The following PTP4A1 variants were observed in gnomAD, a reference collection of about 807,000 sequenced individuals.
PTP4A1 encodes the protein protein tyrosine phosphatase type IVA 1.
Under a neutral mutation model 20.5 loss-of-function variants are expected in PTP4A1, and 9 were observed. The ratio of observed to expected loss-of-function variants is 0.44; its 90% CI spans 0.26 to 0.77. The LOEUF (loss-of-function observed/expected upper bound fraction) is 0.77, where lower values mean the gene tolerates loss of function less well. Ranked by LOEUF, PTP4A1 falls within the 30% of genes least tolerant of loss-of-function variation. PTP4A1 has a pLI of 0.19. For missense variants in PTP4A1, 137 were observed against 218.8 expected (o/e 0.63, Z 2.36); for synonymous variants, 78 against 67.4 (o/e 1.16, Z -0.77).
chr6:63,525,354 A>T (rs538335458), intron 1 of PTP4A1, among the ~76,000 whole-genome samples: 1 of 152,270 alleles, frequency 6.6e-6, no homozygotes, highest in East Asian at 1.9e-4. Flanking sequence ...GATTCTGCCA[A>T]TGGGGGAGCT....
At chr6:63,559,699 C>T (rs1002994741) in intron 3 of PTP4A1, among the ~76,000 whole-genome samples, 5 of 151,702 alleles carry the variant, frequency 3.3e-5, no homozygotes, top group Non-Finnish European at 5.9e-5. Flanking sequence ...GAGCCAAGAT[C>T]GCGCCACTGC....
At chr6:63,557,235 C>T (rs978026683) in intron 3 of PTP4A1, among the ~76,000 whole-genome samples, 1 of 152,012 alleles carries the variant, frequency 6.6e-6, no homozygotes, top group African/African-American at 2.4e-5. Flanking sequence ...AATGGAATAC[C>T]TGTGTTGATG....
chr6:63,518,853 G>A (rs1489736261), upstream of PTP4A1, among the ~76,000 whole-genome samples: 4 of 152,110 alleles, frequency 2.6e-5, no homozygotes, highest in Admixed American at 1.3e-4. Context: ...TCAAAGAAAA[G>A]GTAACTCTTG....
chr6:63,533,608 G>A (rs372213648), intron 2 of PTP4A1, among the ~76,000 whole-genome samples: 38 of 152,148 alleles, frequency 2.5e-4, no homozygotes, highest in African/African-American at 8.9e-4. Flanking sequence ...CAGTTTTATG[G>A]CTGAGGGACT....
chr6:63,564,275 C>CA lies in PTP4A1; in HGVS notation c.-445-12146dup, dbSNP rs35998260. Reference sequence around the variant, plus strand: ...TGGGTGACAGAGCGAGACTCTGTCTCAAAAAAAAAAAAAAAGAGAGAAATT... The same window carrying CA: ...TGGGTGACAGAGCGAGACTCTGTCTCAAAAAAAAAAAAAAAAGAGAGAAATT... On this transcript the variant is annotated intron_variant, in intron 3 of 3. Coordinates refer to the PTP4A1 transcript ENST00000639568. Among the ~76,000 whole-genome samples the CA allele has an allele frequency of 6.8e-3, 654 of 95,540 alleles. 2 individuals are homozygous for CA. The highest frequency in any genetic ancestry group is 0.016 in the South Asian group (48 of 3,090). 62.7% of individuals were successfully genotyped at this position (95,540 alleles called of 152,430 possible).
chr6:63,529,650 C>G (rs900984724), intron 2 of PTP4A1, among the ~76,000 whole-genome samples: 4 of 152,064 alleles, frequency 2.6e-5, no homozygotes, highest in Admixed American at 1.3e-4. Flanking sequence ...AGCAGCCAAC[C>G]CTGTTTGCAT....
the PTP4A1 span, among the ~76,000 whole-genome samples, chr6:63,516,574 G>A: frequency 6.6e-6 from 1 of 152,098 alleles, no homozygotes; most frequent in East Asian, 1.9e-4. Context: ...TGTAAGTTGG[G>A]CATGAGGGCA....
At chr6:63,577,246 T>C (rs1029738829) in intron 2 of PTP4A1, among the ~76,000 whole-genome samples, 2 of 152,234 alleles carry the variant, frequency 1.3e-5, no homozygotes, top group African/African-American at 4.8e-5. Flanking sequence ...CTCTTACTTA[T>C]CTTGTAAGAA....
chr6:63,557,526 A>G (rs1776744468), intron 3 of PTP4A1, among the ~76,000 whole-genome samples: 1 of 152,134 alleles, frequency 6.6e-6, no homozygotes, highest in Non-Finnish European at 1.5e-5. Flanking sequence ...AGATCGCACC[A>G]CTACACTCCA....
upstream of PTP4A1, among the ~76,000 whole-genome samples, chr6:63,568,646 C>T (rs1207240387): frequency 6.7e-6 from 1 of 150,086 alleles, no homozygotes; most frequent in Non-Finnish European, 1.5e-5. Context: ...CTGTCACAAA[C>T]CATCATTTTG....
chr6:63,520,245 TC>T (rs1774871931), upstream of PTP4A1, among the ~76,000 whole-genome samples: 2 of 152,240 alleles, frequency 1.3e-5, no homozygotes, highest in Non-Finnish European at 2.9e-5. Context: ...GTGATTCTTA[TC>T]TTTAAATGTT....
intron 3 of PTP4A1, among the ~76,000 whole-genome samples, chr6:63,560,822 C>G (rs899055714): frequency 6.6e-6 from 1 of 152,168 alleles, no homozygotes; most frequent in Non-Finnish European, 1.5e-5. Context: ...AGACCAGTAA[C>G]AGTTCATAGA....
intron 2 of PTP4A1, chr6:63,548,991 A>T: frequency 1.4e-6 from 1 of 731,398 alleles, no homozygotes; most frequent in Non-Finnish European, 2.5e-6. Context: ...TTTATGACAC[A>T]GGGCAGGCAA....
At chr6:63,565,518 T>A (rs1472603082) in intron 3 of PTP4A1, among the ~76,000 whole-genome samples, 1 of 152,206 alleles carries the variant, frequency 6.6e-6, no homozygotes, top group Admixed American at 6.5e-5. Flanking sequence ...TGGTTTGATA[T>A]GATGACTTGA....
In PTP4A1 at chr6:63,559,781, A is replaced by G. The variant is rs190836478; in HGVS notation, c.-446+9288A>G. On this transcript the variant is annotated intron_variant, in intron 3 of 3. Coordinates refer to the PTP4A1 transcript ENST00000639568. ...AAAAAAATGAATTTCACAGCCAGGC[A>G]TGGTCGTTCATGCATATAATACTAG... Among the ~76,000 whole-genome samples the G allele has an allele frequency of 7.2e-5, 11 of 152,100 alleles. No homozygotes were observed. In the East Asian group the frequency reaches 1.7e-3, roughly 24 times the overall value.
intron 1 of PTP4A1, among the ~76,000 whole-genome samples, 162 bp from the exon 2 acceptor site, chr6:63,576,274 T>C (rs1382220916): frequency 6.6e-6 from 1 of 152,176 alleles, no homozygotes; most frequent in Non-Finnish European, 1.5e-5. Context: ...ATTTAATCTG[T>C]ACTCACCCCT....
chr6:63,525,055 G>C (rs553869083), intron 1 of PTP4A1, among the ~76,000 whole-genome samples: 1 of 152,182 alleles, frequency 6.6e-6, no homozygotes, highest in Non-Finnish European at 1.5e-5. Flanking sequence ...AGACAGACTA[G>C]AGCAGCATTT....
intron 3 of PTP4A1, among the ~76,000 whole-genome samples, chr6:63,563,068 G>T (rs1777034463): frequency 6.6e-6 from 1 of 152,108 alleles, no homozygotes. Context: ...TGCCTCCACT[G>T]TCCTGATCAT....
At chr6:63,550,499 T>C (rs1198414850) in intron 3 of PTP4A1, 2 of 152,102 alleles carry the variant, frequency 1.3e-5, no homozygotes, top group Non-Finnish European at 2.9e-5. Flanking sequence ...GAGGGGTGAG[T>C]AGGCCACACC....
Sources: allele counts gnomAD v4.1 joint callset (sites outside exome capture counted in the v4.1 genomes callset), GRCh38; gene constraint gnomAD v4.1.1; transcripts MANE v1.5; gene names NCBI Gene and HGNC (gene_info 2026-07-23, HGNC 2026-07-21).